The following SPECC1 variants were observed in gnomAD, a reference collection of about 807,000 sequenced individuals.
The protein encoded by SPECC1 is sperm antigen with calponin homology and coiled-coil domains 1, also known as cytospin-B.
SPECC1 carries 62 observed loss-of-function variants against 104.1 expected under a neutral mutation model. The ratio of observed to expected loss-of-function variants is 0.60; its 90% CI spans 0.49 to 0.74. The LOEUF (loss-of-function observed/expected upper bound fraction) is 0.74, where lower values mean the gene tolerates loss of function less well. SPECC1 is among the 30% of genes least tolerant of loss of function. The pLI is 0.00. For missense variants in SPECC1, 1,306 were observed against 1,310.5 expected, an observed-to-expected ratio of 1.00 and a Z score of 0.05; for synonymous variants, 513 against 501.6, an observed-to-expected ratio of 1.02 and a Z score of -0.30.
intron 1 of SPECC1, among the ~76,000 whole-genome samples, chr17:20,020,774 C>T (rs1284287944): frequency 6.6e-6 from 1 of 152,098 alleles, no homozygotes; most frequent in East Asian, 1.9e-4. Context: ...TTGTTCATTC[C>T]GTTTTATCCC....
intron 1 of SPECC1, among the ~76,000 whole-genome samples, chr17:20,040,745 C>T (rs7219487): frequency 0.067 from 10,122 of 152,156 alleles, 966 homozygotes; most frequent in African/African-American, 0.21. Flanking sequence ...GCTTTCAAGA[C>T]GTTTTCTCTT....
intron 3 of SPECC1, among the ~76,000 whole-genome samples, chr17:20,151,475 CCAT>C (rs1214970374): frequency 6.6e-6 from 1 of 152,160 alleles, no homozygotes; most frequent in Non-Finnish European, 1.5e-5. Flanking sequence ...GGGACGTAAC[CCAT>C]CATAAGTTGA....
chr17:20,092,994 A>G (rs1490007545), intron 1 of SPECC1, among the ~76,000 whole-genome samples: 1 of 152,178 alleles, frequency 6.6e-6, no homozygotes, highest in Admixed American at 6.5e-5. Context: ...CTGGATCTGA[A>G]TCTTGGCTCC....
intron 3 of SPECC1, among the ~76,000 whole-genome samples, chr17:20,138,825 A>G (rs926480083): frequency 2.6e-5 from 4 of 152,234 alleles, no homozygotes; most frequent in Non-Finnish European, 5.9e-5. Context: ...TAAAGCTTCT[A>G]TAAATACTCG....
At chr17:20,143,071 A>C (rs2031020933) in intron 3 of SPECC1, among the ~76,000 whole-genome samples, 1 of 152,056 alleles carries the variant, frequency 6.6e-6, no homozygotes, top group African/African-American at 2.4e-5. Context: ...AATAAAAATA[A>C]TAAAGGGAAT....
intron 3 of SPECC1, among the ~76,000 whole-genome samples, chr17:20,125,129 G>T (rs575980646): frequency 6.6e-6 from 1 of 152,132 alleles, no homozygotes; most frequent in Non-Finnish European, 1.5e-5. Flanking sequence ...GCAGTGAGCC[G>T]AGATCGCGCC....
At chr17:20,225,993 C>T (rs2038179730) in intron 4 of SPECC1, among the ~76,000 whole-genome samples, 1 of 150,338 alleles carries the variant, frequency 6.7e-6, no homozygotes, top group African/African-American at 2.5e-5. Flanking sequence ...ACTAGGGGTG[C>T]AATGGTGAAT....
chr17:20,299,048 A>T lies in SPECC1; in HGVS notation c.3057+1971A>T, dbSNP rs151259357. Among the ~76,000 whole-genome samples the T allele has an allele frequency of 1.7e-3, 258 of 151,254 alleles. 1 individual carries two copies. The highest frequency in any genetic ancestry group is 0.014 in the Middle Eastern group (4 of 294). Reference sequence around the variant, plus strand: ...CTAAGGAACTAGCTCGAGATTATAGAAGCTAGCAAGTCCAGCATCTGCAGG... The same window carrying T: ...CTAAGGAACTAGCTCGAGATTATAGTAGCTAGCAAGTCCAGCATCTGCAGG... On this transcript the variant is annotated intron_variant, in intron 13 of 14. Coordinates refer to ENST00000395527, the MANE Select transcript of SPECC1 (RefSeq NM_001243439.2).
chr17:20,196,229 T>C (rs977443861), intron 3 of SPECC1, among the ~76,000 whole-genome samples: 5 of 152,252 alleles, frequency 3.3e-5, no homozygotes, highest in Admixed American at 3.3e-4. Context: ...CAGGTAAAAC[T>C]ATTTCTTCAA....
chr17:20,284,910 C>CT (rs1385990576), intron 12 of SPECC1, among the ~76,000 whole-genome samples: 1 of 152,116 alleles, frequency 6.6e-6, no homozygotes, highest in Non-Finnish European at 1.5e-5. Context: ...AGAAGCTTTG[C>CT]TTTTTTCTTT....
At chr17:20,282,406 C>T (rs912871099) in intron 12 of SPECC1, among the ~76,000 whole-genome samples, 5 of 152,156 alleles carry the variant, frequency 3.3e-5, no homozygotes, top group South Asian at 4.1e-4. Flanking sequence ...CTCAAACCCT[C>T]GGTGCTTTCA....
chr17:20,028,971 A>T (rs765183332), intron 1 of SPECC1, among the ~76,000 whole-genome samples: 1 of 152,186 alleles, frequency 6.6e-6, no homozygotes, highest in Non-Finnish European at 1.5e-5. Context: ...CATGTTGGTC[A>T]GGCTGATCTC....
At chr17:20,301,190 G>T (rs1567619065) in intron 13 of SPECC1, among the ~76,000 whole-genome samples, 1 of 152,108 alleles carries the variant, frequency 6.6e-6, no homozygotes. Context: ...ATCCCAACAG[G>T]CAGACTCGTA....
chr17:20,140,523 CTAGT>C (rs1372040104), intron 3 of SPECC1, among the ~76,000 whole-genome samples: 1 of 152,192 alleles, frequency 6.6e-6, no homozygotes, highest in African/African-American at 2.4e-5. Context: ...TCATATTTCA[CTAGT>C]TAATGTACAA....
intron 3 of SPECC1, among the ~76,000 whole-genome samples, chr17:20,203,279 T>TAA (rs34012069): frequency 4.3e-5 from 6 of 138,524 alleles, no homozygotes; most frequent in South Asian, 2.4e-4. Context: ...TTTCAGTTTG[T>TAA]AAAAAAAAAA....
chr17:20,279,323 C>CTTTTT (rs548300449), intron 12 of SPECC1, among the ~76,000 whole-genome samples: 1 of 113,732 alleles, frequency 8.8e-6, no homozygotes, highest in African/African-American at 3.2e-5. Context: ...TTTTTTTTTT[C>CTTTTT]TTTTTTTTTT....
chr17:20,187,345 C>T (rs2035350398), intron 3 of SPECC1, among the ~76,000 whole-genome samples: 1 of 152,152 alleles, frequency 6.6e-6, no homozygotes, highest in Non-Finnish European at 1.5e-5. Flanking sequence ...AGTGAGTCAG[C>T]ATATCACCCT....
chr17:20,019,825 G>A (rs1225583025), intron 1 of SPECC1, among the ~76,000 whole-genome samples: 3 of 152,068 alleles, frequency 2.0e-5, no homozygotes, highest in Non-Finnish European at 4.4e-5. Context: ...TCCCCAAATG[G>A]CCATCAGCTC....
chr17:20,107,426 T>C (rs1046774019), intron 2 of SPECC1, among the ~76,000 whole-genome samples: 1 of 151,074 alleles, frequency 6.6e-6, no homozygotes, highest in African/African-American at 2.4e-5. Context: ...CTGGGCAACA[T>C]AGTGAGATCC....
Sources: allele counts gnomAD v4.1 joint callset (sites outside exome capture counted in the v4.1 genomes callset), GRCh38; gene constraint gnomAD v4.1.1; transcripts MANE v1.5; gene names NCBI Gene and HGNC (gene_info 2026-07-23, HGNC 2026-07-21).